MTHFD2L: variants seen among roughly 807,000 people sequenced by gnomAD.
MTHFD2L encodes the protein bifunctional methylenetetrahydrofolate dehydrogenase/cyclohydrolase 2, mitochondrial.
MTHFD2L carries 29 observed loss-of-function variants against 34.9 expected under a neutral mutation model. That is an observed-to-expected ratio of 0.83 (90% CI 0.62 to 1.13). The LOEUF is 1.13. MTHFD2L is among the 50% of genes most tolerant of loss of function. MTHFD2L has a pLI of 0.00. For missense variants in MTHFD2L, 481 were observed against 446.5 expected, an observed-to-expected ratio of 1.08 and a Z score of -0.70; for synonymous variants, 167 against 155.7, an observed-to-expected ratio of 1.07 and a Z score of -0.54.
At chr4:74,249,611 G>T (rs186199959) in intron 6 of MTHFD2L, among the ~76,000 whole-genome samples, 39 of 152,326 alleles carry the variant, frequency 2.6e-4, no homozygotes, top group Middle Eastern at 6.8e-3. Context: ...TTTTGCAGCA[G>T]TTGGTACCTG....
intron 6 of MTHFD2L, among the ~76,000 whole-genome samples, chr4:74,227,188 T>C (rs1270419876): frequency 6.6e-6 from 1 of 152,156 alleles, no homozygotes; most frequent in African/African-American, 2.4e-5. Flanking sequence ...TTCTCTACTC[T>C]TTTCCACTTC....
chr4:74,150,910 T>G (rs557131), intron 1 of MTHFD2L, among the ~76,000 whole-genome samples: 1 of 151,946 alleles, frequency 6.6e-6, no homozygotes, highest in African/African-American at 2.4e-5. Flanking sequence ...CATTATATAA[T>G]GATAATAGAT....
intron 3 of MTHFD2L, among the ~76,000 whole-genome samples, chr4:74,182,030 AT>A (rs201489437): frequency 2.0e-5 from 3 of 151,636 alleles, no homozygotes; most frequent in South Asian, 2.1e-4. Context: ...CAGAGTGGGA[AT>A]TTTTTTTTAT....
intron 7 of MTHFD2L, among the ~76,000 whole-genome samples, chr4:74,286,210 AT>A (rs1324775036): frequency 6.6e-6 from 1 of 152,158 alleles, no homozygotes; most frequent in Non-Finnish European, 1.5e-5. Context: ...CTCCTAACTT[AT>A]GTCATTAAAA....
chr4:74,171,663 C>T lies in MTHFD2L; in HGVS notation c.144-2843C>T, dbSNP rs540687276. Among the ~76,000 whole-genome samples, 5 of 152,134 alleles carry T rather than the reference C, an allele frequency of 3.3e-5. No homozygotes were observed. The East Asian group carries it at 5.8e-4, about 18-fold the overall frequency. ...ACTAAATATACAAAAATTAGTCAGGCATGGTGGCATATGTCTGTAATTCCA... is the reference window on the plus strand; with the variant it reads ...ACTAAATATACAAAAATTAGTCAGGTATGGTGGCATATGTCTGTAATTCCA... On this transcript the variant is annotated intron_variant, in intron 1 of 7. Transcript: ENST00000325278.
At chr4:74,144,557 A>G (rs1560411493) in intron 1 of MTHFD2L, among the ~76,000 whole-genome samples, 1 of 152,148 alleles carries the variant, frequency 6.6e-6, no homozygotes, top group Non-Finnish European at 1.5e-5. Flanking sequence ...AGTTCTCTTT[A>G]TGTTTCTTGT....
intron 1 of MTHFD2L, among the ~76,000 whole-genome samples, chr4:74,171,075 A>G (rs764113345): frequency 6.0e-4 from 91 of 152,050 alleles, no homozygotes; most frequent in Non-Finnish European, 1.1e-3. Context: ...ACATGTATAC[A>G]TATGTAATAA....
intron 6 of MTHFD2L, among the ~76,000 whole-genome samples, chr4:74,271,440 T>G (rs1470818834): frequency 6.6e-6 from 1 of 152,274 alleles, no homozygotes; most frequent in Non-Finnish European, 1.5e-5. Context: ...CCTTTCCCCA[T>G]TTCTTGTTTT....
At chr4:74,159,169 A>G (rs901948614) in intron 1 of MTHFD2L, among the ~76,000 whole-genome samples, 3 of 152,202 alleles carry the variant, frequency 2.0e-5, no homozygotes, top group African/African-American at 7.2e-5. Context: ...TTAACTCCCT[A>G]TTGTGTACAT....
At chr4:74,145,462 C>T (rs1312639404) in intron 1 of MTHFD2L, among the ~76,000 whole-genome samples, 1 of 152,104 alleles carries the variant, frequency 6.6e-6, no homozygotes, top group African/African-American at 2.4e-5. Flanking sequence ...GTCCTGGAGC[C>T]AGTCTCCCAG....
intron 6 of MTHFD2L, among the ~76,000 whole-genome samples, chr4:74,241,279 T>C (rs1333357706): frequency 6.6e-6 from 1 of 152,228 alleles, no homozygotes; most frequent in African/African-American, 2.4e-5. Context: ...CCAGATGACA[T>C]TAATAACTTG....
chr4:74,235,369 A>T (rs536741392), intron 6 of MTHFD2L, among the ~76,000 whole-genome samples: 1 of 152,294 alleles, frequency 6.6e-6, no homozygotes, highest in South Asian at 2.1e-4. Flanking sequence ...TGGTGTTGCC[A>T]TTAACAAGGA....
At chr4:74,115,603 A>G (rs1482077660) in intron 2 of MTHFD2L, among the ~76,000 whole-genome samples, 1 of 152,248 alleles carries the variant, frequency 6.6e-6, no homozygotes, top group African/African-American at 2.4e-5. Context: ...AGAAATTAGG[A>G]GCCCACTAGC....
At chr4:74,165,381 CAG>C (rs879852316) in intron 1 of MTHFD2L, among the ~76,000 whole-genome samples, 2 of 151,980 alleles carry the variant, frequency 1.3e-5, no homozygotes, top group African/African-American at 4.8e-5. Flanking sequence ...TTTTTTGAGA[CAG>C]AGTCTTTCTC....
At chr4:74,299,252 C>T (rs1749998945) in intron 7 of MTHFD2L, among the ~76,000 whole-genome samples, 1 of 151,620 alleles carries the variant, frequency 6.6e-6, no homozygotes, top group East Asian at 1.9e-4. Flanking sequence ...TTTTTACTTT[C>T]CCATATTATT....
intron 6 of MTHFD2L, among the ~76,000 whole-genome samples, chr4:74,240,733 A>G (rs1222957471): frequency 2.0e-5 from 3 of 152,176 alleles, no homozygotes; most frequent in Admixed American, 6.5e-5. Flanking sequence ...TTGATTTCAT[A>G]TTATAAAGCA....
At chr4:74,124,000 C>T (rs990531666), upstream of MTHFD2L, among the ~76,000 whole-genome samples, 3 of 152,066 alleles carry the variant, frequency 2.0e-5, no homozygotes, top group Non-Finnish European at 2.9e-5. Context: ...TCCTATAACA[C>T]ATATATCACT....
intron 2 of MTHFD2L, 97 bp from the exon 3 acceptor site, chr4:74,175,184 C>A: frequency 7.6e-7 from 1 of 1,311,594 alleles, no homozygotes; most frequent in Non-Finnish European, 1.0e-6. Context: ...CAGAACCTTT[C>A]ACGGCAGTAG....
chr4:74,280,896 C>G (rs147598640), intron 6 of MTHFD2L, among the ~76,000 whole-genome samples: 57 of 152,070 alleles, frequency 3.7e-4, no homozygotes, highest in African/African-American at 1.3e-3. Flanking sequence ...GATGAGATGC[C>G]ATTATGAGTA....
Sources: gnomAD v4.1 joint callset for allele counts (sites outside exome capture counted in the v4.1 genomes callset) on GRCh38, gnomAD v4.1.1 for gene constraint, MANE v1.5 for transcripts, NCBI Gene and HGNC (gene_info 2026-07-23, HGNC 2026-07-21) for gene names.